Variants in PJA2 observed in about 807,000 individuals in gnomAD.
The protein encoded by PJA2 is praja ring finger ubiquitin ligase 2.
A neutral mutation model predicts 69.3 loss-of-function variants in PJA2; 25 were observed. The observed-to-expected ratio is 0.36, with a 90% CI of 0.26 to 0.50. PJA2 has a LOEUF of 0.50. Ranked by LOEUF, PJA2 falls within the 20% of genes least tolerant of loss-of-function variation. The pLI, the probability that PJA2 is intolerant of heterozygous loss-of-function variation, is 0.96. For synonymous variants in PJA2, 308 were observed against 277.8 expected (o/e 1.11, Z -1.08); for missense variants, 809 against 830.2 (o/e 0.97, Z 0.31).
At position 109,378,606 on chromosome 5, in the gene PJA2, C is replaced by A. The variant is rs142790008; in HGVS notation, c.881G>T (p.Cys294Phe). ...EDAACGPGHI[C>F]SEQNTNDREK... The stretch of plus-strand genomic sequence containing the variant: ...CCTATCATTGGTATTTTGTTCACTA[C>A]AAATATGCCCTGGACCACAGGCTGC... The change falls in exon 4 of 10, where the codon TGT becomes TTT. Residue 294 changes from cysteine to phenylalanine, a missense_variant. Cys to Phe is a radical substitution (Grantham distance 205). Coordinates refer to ENST00000361189, the MANE Select transcript of PJA2 (RefSeq NM_014819.5). 25 of 1,614,064 alleles carry A rather than the reference C, an allele frequency of 1.5e-5. No homozygotes were observed. Among genetic ancestry groups the A allele is most frequent in the South Asian group, 4.4e-5 (4 of 91,086 alleles).
At chr5:109,408,095 A>G (rs570526143) in intron 1 of PJA2, among the ~76,000 whole-genome samples, 1 of 152,326 alleles carries the variant, frequency 6.6e-6, no homozygotes, top group African/African-American at 2.4e-5. Flanking sequence ...CTTTTAACTG[A>G]GCAACTTCAC....
At position 109,393,119 on chromosome 5, in the gene PJA2, G is replaced by C. The variant is rs544041683; in HGVS notation, c.-87-9599C>G. ...ACAAGTATCAAAGTGCTCACATATA[G>C]GATATATAACATACTCCTAAATATA... On this transcript the variant is annotated intron_variant, in intron 1 of 9. Transcript: ENST00000361189. Among the ~76,000 whole-genome samples the C allele has an allele frequency of 4.6e-5, 7 of 152,124 alleles. No individual in the cohort carries two copies. In the South Asian group the frequency reaches 1.5e-3, roughly 32 times the overall value.
chr5:109,406,536 T>C (rs1191601125), intron 1 of PJA2, among the ~76,000 whole-genome samples: 2 of 152,086 alleles, frequency 1.3e-5, no homozygotes, highest in Non-Finnish European at 1.5e-5. Context: ...GTGCTGAGGA[T>C]GATGTGGAGC....
At position 109,378,688 on chromosome 5, in the gene PJA2, T is replaced by C. The variant is rs1302484374; in HGVS notation, c.799A>G (p.Thr267Ala). 2.5e-6 allele frequency: 4 copies of C among 1,613,822 alleles called. No homozygotes were observed. Among genetic ancestry groups the C allele is most frequent in the African/African-American group, 2.7e-5 (2 of 74,942 alleles). The change falls in exon 4 of 10, where the codon ACG becomes GCG. Residue 267 changes from threonine (T) to alanine (A), a missense_variant. By Grantham distance (58) the Thr-to-Ala change is moderately conservative (BLOSUM62 0). Transcript: ENST00000361189. ...TGGCTAGTATTATTTTGTTGTTTCG[T>C]ACTAACCATTTCATCTTGAGAAGAC... is the stretch of plus-strand genomic sequence containing the variant. ...QRSSQDEMVS[T>A]KQQNNTSQER...
chr5:109,402,798 GAA>G (rs1362915454), intron 1 of PJA2, among the ~76,000 whole-genome samples: 3 of 151,928 alleles, frequency 2.0e-5, no homozygotes, highest in Non-Finnish European at 4.4e-5. Context: ...ATTATACAAA[GAA>G]AGAGACATGC....
At chr5:109,345,659 G>T (rs1365137026) in intron 7 of PJA2, among the ~76,000 whole-genome samples, 1 of 152,152 alleles carries the variant, frequency 6.6e-6, no homozygotes, top group Non-Finnish European at 1.5e-5. Context: ...ATTTTGGAAA[G>T]GTTCACTTCA....
chr5:109,337,769 C>T (rs1310287371), intron 9 of PJA2, among the ~76,000 whole-genome samples: 1 of 151,832 alleles, frequency 6.6e-6, no homozygotes, highest in Non-Finnish European at 1.5e-5. Context: ...ACTAGAGAAA[C>T]CACAGACCTA....
chr5:109,392,943 G>T (rs1038387039), intron 1 of PJA2, among the ~76,000 whole-genome samples: 1 of 60,978 alleles, frequency 1.6e-5, no homozygotes, highest in African/African-American at 1.2e-4. Context: ...AGTAAAGAAA[G>T]ATTTTTTTAA....
At chr5:109,403,039 A>T (rs1747597373) in intron 1 of PJA2, among the ~76,000 whole-genome samples, 1 of 152,050 alleles carries the variant, frequency 6.6e-6, no homozygotes, top group Non-Finnish European at 1.5e-5. Context: ...AAGAAGCAGA[A>T]ATCAATAAAA....
intron 6 of PJA2, among the ~76,000 whole-genome samples, chr5:109,361,043 A>T (rs1762495840): frequency 6.6e-6 from 1 of 152,046 alleles, no homozygotes; most frequent in South Asian, 2.1e-4. Context: ...CAGGAAAATC[A>T]CTTGAACCCG....
intron 1 of PJA2, among the ~76,000 whole-genome samples, chr5:109,396,599 G>A (rs1040577383): frequency 2.2e-3 from 332 of 151,238 alleles, no homozygotes; most frequent in African/African-American, 7.5e-3. Context: ...GCTAAATTTT[G>A]TATTTTTAGT....
chr5:109,352,950 T>C (rs996098948), intron 7 of PJA2, among the ~76,000 whole-genome samples: 2 of 132,442 alleles, frequency 1.5e-5, no homozygotes, highest in Non-Finnish European at 3.4e-5. Context: ...TAGATACCTA[T>C]TATATCTATA....
At position 109,368,487 on chromosome 5, in the gene PJA2, T is replaced by C. The variant is rs1317570454; in HGVS notation, c.1469+74A>G. The C allele has an allele frequency of 2.3e-6, 3 of 1,310,754 alleles. No individual in the cohort carries two copies. In the East Asian group the frequency reaches 7.0e-5, roughly 31 times the overall value. 81.2% of individuals were successfully genotyped at this position (1,310,754 alleles called of 1,614,324 possible). On this transcript the variant is annotated intron_variant, in intron 5 of 9. Coordinates refer to ENST00000361189, the MANE Select transcript of PJA2 (RefSeq NM_014819.5). ...AGGCTTATAAATACAATTAATGGCA[T>C]ATCCAACATTTGAATGTAAAATATA... is the stretch of plus-strand genomic sequence containing the variant.
At chr5:109,394,278 C>T (rs1166840379) in intron 1 of PJA2, among the ~76,000 whole-genome samples, 1 of 151,878 alleles carries the variant, frequency 6.6e-6, no homozygotes, top group East Asian at 1.9e-4. Flanking sequence ...AAACTCCTGA[C>T]CTTAAGTGAT....
At chr5:109,358,820 C>CA (rs112209264) in intron 6 of PJA2, among the ~76,000 whole-genome samples, 17 of 151,102 alleles carry the variant, frequency 1.1e-4, no homozygotes, top group African/African-American at 2.2e-4. Flanking sequence ...GACTCTGTCT[C>CA]AAAAAAAACA....
chr5:109,385,306 C>A (rs1747132180), intron 1 of PJA2, among the ~76,000 whole-genome samples: 1 of 152,106 alleles, frequency 6.6e-6, no homozygotes, highest in Non-Finnish European at 1.5e-5. Context: ...TGGTTTGGAC[C>A]AGGGTTAAAA....
intron 1 of PJA2, among the ~76,000 whole-genome samples, chr5:109,401,312 A>C (rs1747541126): frequency 6.6e-6 from 1 of 152,070 alleles, no homozygotes; most frequent in South Asian, 2.1e-4. Context: ...CACCAATGAC[A>C]GCCTGGGCAC....
At chr5:109,337,496 A>G in intron 9 of PJA2, 140 bp from the exon 10 acceptor site, 1 of 922,296 alleles carries the variant, frequency 1.1e-6, no homozygotes. Flanking sequence ...CACACAATGC[A>G]GAAAGACATA....
intron 1 of PJA2, among the ~76,000 whole-genome samples, chr5:109,394,909 T>A (rs1055797186): frequency 1.3e-5 from 2 of 152,104 alleles, no homozygotes; most frequent in Admixed American, 1.3e-4. Flanking sequence ...TAACTCTGGG[T>A]AGGGGGTGAA....
Sources: allele counts gnomAD v4.1 joint callset (sites outside exome capture counted in the v4.1 genomes callset), GRCh38; gene constraint gnomAD v4.1.1; transcripts MANE v1.5; gene names NCBI Gene and HGNC (gene_info 2026-07-23, HGNC 2026-07-21).